ZNF649: variants seen among roughly 807,000 people sequenced by gnomAD.
ZNF649 encodes the protein zinc finger protein 649.
Under a neutral mutation model 14.1 loss-of-function variants are expected in ZNF649, and 7 were observed. That is an observed-to-expected ratio of 0.49 (90% CI 0.28 to 0.93). The LOEUF (loss-of-function observed/expected upper bound fraction) is 0.93, where lower values mean the gene tolerates loss of function less well. ZNF649 is among the 40% of genes least tolerant of loss of function. The pLI is 0.10. For synonymous variants in ZNF649, 227 were observed against 212.3 expected (o/e 1.07, Z -0.60); for missense variants, 544 against 608.1 (o/e 0.89, Z 1.11).
rs772080305 is a variant in ZNF649, at chr19:51,891,205, T to C, written c.931A>G (p.Thr311Ala). The C allele has an allele frequency of 3.1e-6, 5 of 1,614,130 alleles. No homozygotes were observed. Among genetic ancestry groups the C allele is most frequent in the African/African-American group, 2.7e-5 (2 of 74,950 alleles). The change falls in exon 5 of 5, where the codon ACT becomes GCT. Residue 311 changes from threonine (T) to alanine (A), a missense_variant. Coordinates refer to ENST00000354957, the MANE Select transcript of ZNF649 (RefSeq NM_023074.4). This position sits in a 1 kb window ranked among gnomAD's most constrained non-coding sequence, Gnocchi z 4.2. ...GTATGAGGCTTCTCTCCTGTATGAG[T>C]TCGCTGATGTACAACGAGTAGTGAT... ...RKSLLVVHQR[T>A]HTGEKPHTCS...
chr19:51,904,341 C>A (rs1411293099), intron 1 of ZNF649: 1 of 152,096 alleles, frequency 6.6e-6, no homozygotes, highest in Admixed American at 6.5e-5. Context: ...GCATGAATTG[C>A]TCTTTCTCCA....
At chr19:51,903,120 G>A (rs1387931105) in intron 1 of ZNF649, among the ~76,000 whole-genome samples, 2 of 152,056 alleles carry the variant, frequency 1.3e-5, no homozygotes. Context: ...AGGGGCGTGG[G>A]ACTTCCATGC....
chr19:51,890,359 A>G lies in ZNF649; in HGVS notation c.*259T>C, dbSNP rs908462550. On this transcript the variant is annotated 3_prime_UTR_variant, in exon 5 of 5. Coordinates refer to ENST00000354957, the MANE Select transcript of ZNF649 (RefSeq NM_023074.4). ...TAACCCCTACCTTGGCCCCCGGAGT[A>G]AGAGATATCATTCTGAGGAACACCA... is the stretch of plus-strand genomic sequence containing the variant. The G allele has an allele frequency of 4.2e-5, 17 of 407,050 alleles. 1 individual carries two copies. In the South Asian group the frequency reaches 8.0e-4, roughly 19 times the overall value. The allele number at this position is 407,050 out of a possible 1,614,324, so 25.2% of individuals were successfully genotyped here.
At chr19:51,902,532 G>A (rs2085100702) in intron 1 of ZNF649, among the ~76,000 whole-genome samples, 1 of 152,350 alleles carries the variant, frequency 6.6e-6, no homozygotes, top group African/African-American at 2.4e-5. Context: ...CTAGAAAAAC[G>A]AAGTGCAGCT....
In ZNF649 at chr19:51,890,476, T is replaced by G; in HGVS notation, c.*142A>C. The G allele has an allele frequency of 1.7e-6, 1 of 594,986 alleles. No individual in the cohort carries two copies. Among genetic ancestry groups the G allele is most frequent in the South Asian group, 2.3e-5 (1 of 44,118 alleles). 36.9% of individuals were successfully genotyped at this position (594,986 alleles called of 1,614,324 possible). A position where few individuals can be genotyped will look rare whatever the true frequency, so the allele number is the denominator to read the frequency against. The stretch of plus-strand genomic sequence containing the variant: ...CAATATTGTGGGAGGGGTAGTGAGG[T>G]TTATAAGATATAAAAAAGTAAAATA... On this transcript the variant is annotated 3_prime_UTR_variant, in exon 5 of 5. Transcript: ENST00000354957.
At chr19:51,901,770 C>A (rs1361569985) in intron 1 of ZNF649, among the ~76,000 whole-genome samples, 1 of 151,988 alleles carries the variant, frequency 6.6e-6, no homozygotes, top group Non-Finnish European at 1.5e-5. Flanking sequence ...TGGTGAAACC[C>A]CATCTCTATA....
rs114211899 is a variant in ZNF649, at chr19:51,898,209, C to T, written c.16-1231G>A. On this transcript the variant is annotated intron_variant, in intron 2 of 4. Coordinates refer to ENST00000354957, the MANE Select transcript of ZNF649 (RefSeq NM_023074.4). Reference sequence around the variant, plus strand: ...CAACTGGGTATCCTAGAGTTCGATGCTATGCTAACACTAACCGCTGAGGGT... The same window carrying T: ...CAACTGGGTATCCTAGAGTTCGATGTTATGCTAACACTAACCGCTGAGGGT... Among the ~76,000 whole-genome samples the T allele has an allele frequency of 3.3e-3, 509 of 152,060 alleles. 3 individuals are homozygous for T. Among genetic ancestry groups the T allele is most frequent in the African/African-American group, 0.011 (475 of 41,470 alleles).
intron 4 of ZNF649, among the ~76,000 whole-genome samples, chr19:51,894,425 C>T (rs1402353024): frequency 1.3e-5 from 2 of 152,224 alleles, no homozygotes; most frequent in African/African-American, 4.8e-5. Context: ...TGAGCCACCG[C>T]ACCCGGCCTT....
At chr19:51,894,024 A>G (rs973930001) in intron 4 of ZNF649, among the ~76,000 whole-genome samples, 1 of 152,196 alleles carries the variant, frequency 6.6e-6, no homozygotes, top group Admixed American at 6.5e-5. Context: ...GCTGAACAAT[A>G]AAAGTTTTAC....
At chr19:51,899,527 G>A (rs973152956) in intron 2 of ZNF649, among the ~76,000 whole-genome samples, 6 of 152,186 alleles carry the variant, frequency 3.9e-5, no homozygotes, top group East Asian at 1.9e-4. Flanking sequence ...TATATAGGCC[G>A]CAGTGCTGTG....
chr19:51,897,647 C>T lies in ZNF649; in HGVS notation c.16-669G>A, dbSNP rs115680126. ...CATAGATACATGTATATGTATACAACGCATGTATACACACACATACACACG... is the reference window on the plus strand; with the variant it reads ...CATAGATACATGTATATGTATACAATGCATGTATACACACACATACACACG... On this transcript the variant is annotated intron_variant, in intron 2 of 4. Coordinates refer to ENST00000354957, the MANE Select transcript of ZNF649 (RefSeq NM_023074.4). Among the ~76,000 whole-genome samples, 1,054 of 152,186 alleles carry T rather than the reference C, an allele frequency of 6.9e-3. 14 individuals are homozygous for T. Among genetic ancestry groups the T allele is most frequent in the African/African-American group, 0.024 (1,003 of 41,498 alleles).
chr19:51,900,065 GT>G, intron 2 of ZNF649, 27 bp downstream of exon 2: 2 of 1,489,950 alleles, frequency 1.3e-6, no homozygotes, highest in Admixed American at 2.2e-5. Context: ...AGGGAATCGA[GT>G]TAAGAATAAA....
chr19:51,900,911 T>C (rs2122772251), intron 1 of ZNF649, among the ~76,000 whole-genome samples: 1 of 152,250 alleles, frequency 6.6e-6, no homozygotes, highest in South Asian at 2.1e-4. Context: ...ATTCACTAGG[T>C]GAACTCACAA....
Position 51,889,700 on chromosome 19 carries a change from A to G in ZNF649, c.*918T>C, listed in dbSNP as rs939080085. ...CATAAATATGCAATCCCTCACAATG[A>G]TGTATGCTATAAAATCTCAAGGAAT... On this transcript the variant is annotated 3_prime_UTR_variant, in exon 5 of 5. Coordinates refer to ENST00000354957, the MANE Select transcript of ZNF649 (RefSeq NM_023074.4). The G allele has an allele frequency of 6.6e-6, 1 of 152,234 alleles. No homozygotes were observed. The highest frequency in any genetic ancestry group is 1.5e-5 in the Non-Finnish European group (1 of 68,040). The allele number at this position is 152,234 out of a possible 1,614,324, so 9.4% of individuals were successfully genotyped here.
chr19:51,891,630 T>C lies in ZNF649; in HGVS notation c.506A>G (p.Gln169Arg), dbSNP rs745559107. ...GGCTTTCTCTATGTTGTGTGTTTGC[T>C]GATGTTTAAGGAATTGTGACTTGGT... ...ISTKSQFLKH[Q>R]QTHNIEKAHE... is the part of the protein sequence containing the mutation. Residue 169 changes from glutamine to arginine, a missense_variant, in exon 5 of 5, where the codon CAG becomes CGG. Gln to Arg is a conservative substitution (Grantham distance 43, BLOSUM62 1). Transcript: ENST00000354957. This position sits in a 1 kb window ranked among gnomAD's most constrained non-coding sequence, Gnocchi z 4.2. The C allele has an allele frequency of 1.9e-6, 3 of 1,614,240 alleles. No individual in the cohort carries two copies. The highest frequency in any genetic ancestry group is 1.1e-5 in the South Asian group (1 of 91,088).
At position 51,891,155 on chromosome 19, in the gene ZNF649, G is replaced by T. The variant is rs1028576617; in HGVS notation, c.981C>A (p.Phe327Leu). 1 of 1,614,076 alleles carries T rather than the reference G, an allele frequency of 6.2e-7. No individual in the cohort carries two copies. The highest frequency in any genetic ancestry group is 8.5e-7 in the Non-Finnish European group (1 of 1,180,034). Residue 327 changes from phenylalanine (F) to leucine (L), a missense_variant, in exon 5 of 5, where the codon TTC (phenylalanine) becomes TTA (leucine). By Grantham distance (22) the Phe-to-Leu change is conservative. Transcript: ENST00000354957. The surrounding 1 kb of genome is among the most constrained non-coding windows in gnomAD (Gnocchi z 4.2). ...PHTCSECGKG[F>L]IQKGNLNIHQ... ...GTATGTTGAGATTGCCCTTCTGAATGAAGCCTTTTCCACATTCACTGCATG... is the reference window on the plus strand; with the variant it reads ...GTATGTTGAGATTGCCCTTCTGAATTAAGCCTTTTCCACATTCACTGCATG...
intron 4 of ZNF649, among the ~76,000 whole-genome samples, chr19:51,892,672 C>T (rs985713173): frequency 6.6e-6 from 1 of 152,150 alleles, no homozygotes; most frequent in African/African-American, 2.4e-5. Flanking sequence ...CTAAAATATG[C>T]CCTTCTCCAT....
intron 1 of ZNF649, among the ~76,000 whole-genome samples, chr19:51,901,189 C>T (rs1391388619): frequency 6.6e-6 from 1 of 152,122 alleles, no homozygotes; most frequent in Non-Finnish European, 1.5e-5. Flanking sequence ...CGTGAAGGTG[C>T]TCACTGCCTA....
At position 51,890,679 on chromosome 19, in the gene ZNF649, T is replaced by G; in HGVS notation, c.1457A>C (p.Asn486Thr). Residue 486 changes from asparagine (N) to threonine (T), a missense_variant, in exon 5 of 5, where the codon AAT (asparagine) becomes ACT (threonine). Coordinates refer to ENST00000354957, the MANE Select transcript of ZNF649 (RefSeq NM_023074.4). ...TGCCACCATTGCCACAGTTACCATATTAACAGGGCTTTTCCCCTGCACATG... is the reference window on the plus strand; with the variant it reads ...TGCCACCATTGCCACAGTTACCATAGTAACAGGGCTTTTCCCCTGCACATG... ...SEHVQGKSPV[N>T]MVTVAMVAGQ... 6.2e-7 allele frequency: 1 copy of G among 1,614,200 alleles called. No homozygotes were observed. The highest frequency in any genetic ancestry group is 8.5e-7 in the Non-Finnish European group (1 of 1,180,028).
Sources: allele counts gnomAD v4.1 joint callset (sites outside exome capture counted in the v4.1 genomes callset), GRCh38; gene constraint gnomAD v4.1.1; non-coding constraint Gnocchi (gnomAD v3.1); transcripts MANE v1.5; gene names NCBI Gene and HGNC (gene_info 2026-07-23, HGNC 2026-07-21).